The following BCAR1 variants were observed in gnomAD, a reference collection of about 807,000 sequenced individuals.
BCAR1 encodes BCAR1 scaffold protein, Cas family member.
A neutral mutation model predicts 67.6 loss-of-function variants in BCAR1; 30 were observed. That is an observed-to-expected ratio of 0.44 (90% CI 0.33 to 0.60). The LOEUF (loss-of-function observed/expected upper bound fraction) is 0.60, where lower values mean the gene tolerates loss of function less well. Ranked by LOEUF, BCAR1 falls within the 20% of genes least tolerant of loss-of-function variation. BCAR1 has a pLI of 0.02. For synonymous variants in BCAR1, 626 were observed against 556.7 expected (o/e 1.12, Z -1.75); for missense variants, 1,313 against 1,222.3 (o/e 1.07, Z -1.11).
chr16:75,248,103 C>T lies in BCAR1; in HGVS notation c.12+3368G>A, dbSNP rs750927276. The T allele has an allele frequency of 1.4e-5, 22 of 1,597,666 alleles. No homozygotes were observed. In the Middle Eastern group the frequency reaches 8.3e-4, roughly 60 times the overall value. On this transcript the variant is annotated intron_variant, in intron 1 of 6. Transcript: ENST00000162330. ...CAAGGCTCAGAAGCTCCCTGACAGC[C>T]CAGGGTCACTGAGTCCAGAAGCAGC...
In BCAR1 at chr16:75,264,758, C is replaced by G. The variant is rs918889752; in HGVS notation, c.66+3157G>C. On this transcript the variant is annotated intron_variant, in intron 1 of 6. Coordinates refer to the BCAR1 transcript ENST00000393422. ...CTTGCCAGAAAGCCCCCACTGCCTG[C>G]TTCACGGAAAGGATGGGGTCCTCCG... The G allele has an allele frequency of 6.1e-6, 5 of 817,504 alleles. No individual in the cohort carries two copies. The African/African-American group carries it at 8.9e-5, about 14-fold the overall frequency. The allele number at this position is 817,504 out of a possible 1,614,324, so 50.6% of individuals were successfully genotyped here.
intron 6 of BCAR1, among the ~76,000 whole-genome samples, chr16:75,232,052 T>C (rs897484621): frequency 2.0e-5 from 3 of 151,172 alleles, no homozygotes; most frequent in Non-Finnish European, 4.4e-5. Context: ...CAGCTAATTG[T>C]TTTGTATTTT....
chr16:75,237,488 C>T, intron 2 of BCAR1, 144 bp from the exon 3 acceptor site: 2 of 1,010,996 alleles, frequency 2.0e-6, no homozygotes, highest in African/African-American at 1.7e-5. Flanking sequence ...TGCCAGTTCT[C>T]ACCCCCTCTG....
At chr16:75,253,950 C>T (rs975695501), upstream of BCAR1, among the ~76,000 whole-genome samples, 2 of 150,664 alleles carry the variant, frequency 1.3e-5, no homozygotes, top group African/African-American at 4.9e-5. Context: ...TCCTGCAAAA[C>T]AGGCTCACCG....
intron 1 of BCAR1, chr16:75,263,985 T>A (rs2077956078): frequency 8.5e-7 from 1 of 1,179,574 alleles, no homozygotes; most frequent in Non-Finnish European, 1.0e-6. Context: ...AGGGGGCAGA[T>A]GGCAAAGACC....
At chr16:75,264,630 G>A (rs1437793120) in intron 1 of BCAR1, 33 of 1,266,594 alleles carry the variant, frequency 2.6e-5, no homozygotes, top group African/African-American at 6.1e-5. Flanking sequence ...TTCTGGAGGC[G>A]AGCAGGAGCG....
In BCAR1 at chr16:75,237,987, G is replaced by C. The variant is rs889973849; in HGVS notation, c.634-643C>G. On this transcript the variant is annotated intron_variant, in intron 2 of 6. Transcript: ENST00000162330. The stretch of plus-strand genomic sequence containing the variant: ...CCCCCTCCCTGCCGCGCCTGCCCCG[G>C]GGGAGCTGCCTGCAGCAGGTAAGAT... The C allele has an allele frequency of 6.3e-6, 8 of 1,264,382 alleles. No individual in the cohort carries two copies. In the Admixed American group the frequency reaches 1.4e-4, roughly 22 times the overall value. The allele number at this position is 1,264,382 out of a possible 1,614,324, so 78.3% of individuals were successfully genotyped here.
chr16:75,250,154 C>T (rs2151459288), intron 1 of BCAR1: 1 of 153,304 alleles, frequency 6.5e-6, no homozygotes, highest in Non-Finnish European at 1.5e-5. Context: ...GCCTCCTGCC[C>T]CAGCCCAAGG....
In BCAR1 at chr16:75,251,615, G is replaced by C. The variant is rs1334244768; in HGVS notation, c.-133C>G. The C allele has an allele frequency of 8.9e-6, 9 of 1,015,062 alleles. No homozygotes were observed. The highest frequency in any genetic ancestry group is 1.1e-5 in the Non-Finnish European group (9 of 850,886). The allele number at this position is 1,015,062 out of a possible 1,614,324, so 62.9% of individuals were successfully genotyped here. On this transcript the variant is annotated 5_prime_UTR_variant, in exon 1 of 7. Coordinates refer to ENST00000162330, the MANE Select transcript of BCAR1 (RefSeq NM_014567.5). ...GCGCAGCTGCCGCCTCGGCCACCCAGAGCCGGTCCAGCCGCTCTCCGCCTG... is the reference window on the plus strand; with the variant it reads ...GCGCAGCTGCCGCCTCGGCCACCCACAGCCGGTCCAGCCGCTCTCCGCCTG...
At chr16:75,243,353 C>T (rs561663706) in intron 1 of BCAR1, 1 of 633,770 alleles carries the variant, frequency 1.6e-6, no homozygotes, top group South Asian at 1.6e-5. Context: ...CACCAAAACT[C>T]CAGGGATGAC....
chr16:75,258,951 G>A (rs753107737), intron 1 of BCAR1, among the ~76,000 whole-genome samples: 10 of 152,200 alleles, frequency 6.6e-5, no homozygotes, highest in Non-Finnish European at 1.0e-4. Context: ...AGGAATCTGC[G>A]TGGCCTGGGA....
Position 75,229,969 on chromosome 16 carries a change from G to A in BCAR1, c.2155C>T (p.Leu719=). 1 of 1,588,860 alleles carries A rather than the reference G, an allele frequency of 6.3e-7. No individual in the cohort carries two copies. The highest frequency in any genetic ancestry group is 8.6e-7 in the Non-Finnish European group (1 of 1,165,148). ...QEVSRPIDHD[L]ANWTPAQPLA... is the part of the protein sequence containing the mutation. ...GGTTGGGCTGGCGTCCAGTTGGCCA[G>A]GTCGTGGTCTATGGGCCGTGACACC... The change falls in exon 7 of 7, where the codon CTG becomes TTG. Residue 719 remains leucine (L), a synonymous_variant. Coordinates refer to ENST00000162330, the MANE Select transcript of BCAR1 (RefSeq NM_014567.5).
At chr16:75,263,266 GC>G in intron 1 of BCAR1, 1 of 985,422 alleles carries the variant, frequency 1.0e-6, no homozygotes, top group Middle Eastern at 5.2e-4. Flanking sequence ...GCTGGGGGTG[GC>G]CAGCACCTGC....
At chr16:75,233,965 G>A (rs1162733997) in intron 5 of BCAR1, 30 bp from the exon 6 acceptor site, 1 of 1,570,622 alleles carries the variant, frequency 6.4e-7, no homozygotes. Flanking sequence ...GCTGCGCTGA[G>A]GCCAGTTTTC....
At chr16:75,248,220 G>A in intron 1 of BCAR1, 1 of 1,543,766 alleles carries the variant, frequency 6.5e-7, no homozygotes, top group Non-Finnish European at 8.7e-7. Flanking sequence ...GAAACCACCA[G>A]AGGAAATGTC....
At chr16:75,233,126 C>T (rs2076958694) in intron 6 of BCAR1, among the ~76,000 whole-genome samples, 2 of 152,186 alleles carry the variant, frequency 1.3e-5, no homozygotes, top group Admixed American at 1.3e-4. Context: ...AATCCCAGCA[C>T]TTTGGGAGGC....
upstream of BCAR1, chr16:75,252,291 CCTCCT>C: frequency 6.5e-7 from 1 of 1,536,688 alleles, no homozygotes; most frequent in Non-Finnish European, 8.7e-7. Flanking sequence ...AGCTGATCTG[CCTCCT>C]CTCATTACTC....
rs932358984 is a variant in BCAR1, at chr16:75,237,306, G to A, written c.672C>T (p.Tyr224=). The A allele has an allele frequency of 4.6e-6, 7 of 1,522,462 alleles. No homozygotes were observed. Among genetic ancestry groups the A allele is most frequent in the Admixed American group, 2.4e-5 (1 of 42,416 alleles). The allele number at this position is 1,522,462 out of a possible 1,614,324, so 94.3% of individuals were successfully genotyped here. ...CGTCCTGCTCCGGCTGGGCGGCCTC[G>A]TATACATAGCCCTGCCCCACGCGGG... ...VPTRVGQGYV[Y]EAAQPEQDEY... is the part of the protein sequence containing the mutation. The change falls in exon 3 of 7, where the codon TAC becomes TAT. Residue 224 remains tyrosine, a synonymous_variant. Transcript: ENST00000162330.
At chr16:75,234,541 G>C (rs926947277) in intron 5 of BCAR1, among the ~76,000 whole-genome samples, 3 of 152,152 alleles carry the variant, frequency 2.0e-5, no homozygotes, top group South Asian at 2.1e-4. Context: ...CTGCTCCAGG[G>C]GCCAGCCTGG....
Sources: gnomAD v4.1 joint callset for allele counts (sites outside exome capture counted in the v4.1 genomes callset) on GRCh38, gnomAD v4.1.1 for gene constraint, MANE v1.5 for transcripts, NCBI Gene and HGNC (gene_info 2026-07-23, HGNC 2026-07-21) for gene names.